PTCHD4: variants seen among roughly 807,000 people sequenced by gnomAD.
PTCHD4 encodes the protein patched domain-containing protein 4.
PTCHD4 carries 33 observed loss-of-function variants against 58.1 expected under a neutral mutation model. The observed-to-expected ratio is 0.57, with a 90% CI of 0.43 to 0.76. The LOEUF is 0.76. PTCHD4 is among the 30% of genes least tolerant of loss of function. PTCHD4 has a pLI of 0.00. For missense variants in PTCHD4, 1,058 were observed against 1,027.1 expected (o/e 1.03, Z -0.41); for synonymous variants, 478 against 409.6 (o/e 1.17, Z -2.02).
intron 1 of PTCHD4, among the ~76,000 whole-genome samples, chr6:48,104,869 T>A (rs1339864656): frequency 1.3e-5 from 2 of 152,114 alleles, no homozygotes; most frequent in Admixed American, 1.3e-4. Context: ...CATTACATAA[T>A]GGTAAAGGGA....
At chr6:48,049,967 T>C (rs1479831079) in intron 3 of PTCHD4, among the ~76,000 whole-genome samples, 3 of 151,998 alleles carry the variant, frequency 2.0e-5, no homozygotes, top group Non-Finnish European at 4.4e-5. Context: ...AATATGTTTC[T>C]GTTTACGTTG....
chr6:47,920,668 A>C (rs551707876), intron 4 of PTCHD4, among the ~76,000 whole-genome samples: 2 of 152,282 alleles, frequency 1.3e-5, no homozygotes, highest in East Asian at 3.9e-4. Context: ...TTTGCTCCAC[A>C]ACACTTATAA....
intron 4 of PTCHD4, among the ~76,000 whole-genome samples, chr6:47,968,265 A>G (rs1341500474): frequency 6.6e-6 from 1 of 152,164 alleles, no homozygotes; most frequent in African/African-American, 2.4e-5. Flanking sequence ...AACACAGACT[A>G]TATTTATTGA....
At chr6:48,082,750 T>C (rs1022422966) in intron 1 of PTCHD4, among the ~76,000 whole-genome samples, 2 of 152,278 alleles carry the variant, frequency 1.3e-5, no homozygotes, top group African/African-American at 4.8e-5. Context: ...TTAAGTCAAT[T>C]AGATTTATAA....
At position 47,934,042 on chromosome 6, in the gene PTCHD4, G is replaced by A. The variant is rs560346206; in HGVS notation, c.899-54106C>T. 2.0e-5 allele frequency among the ~76,000 whole-genome samples: 3 copies of A among 152,206 alleles called. 1 individual carries two copies. In the South Asian group the frequency reaches 6.2e-4, roughly 32 times the overall value. ...TTTAAAATGTTACTATATATATAAT[G>A]TACATGTATATCCATATCACCAAAT... On this transcript the variant is annotated intron_variant, in intron 4 of 4. Transcript: ENST00000339488.
At position 47,871,937 on chromosome 6, in the gene PTCHD4, T is replaced by C. The variant is rs113163270; in HGVS notation, c.*6366A>G. Among the ~76,000 whole-genome samples the C allele has an allele frequency of 1.7e-3, 260 of 151,834 alleles. 2 individuals carry two copies. Among genetic ancestry groups the C allele is most frequent in the African/African-American group, 5.8e-3 (242 of 41,508 alleles). On this transcript the variant is annotated 3_prime_UTR_variant, in exon 5 of 5. Coordinates refer to ENST00000339488, the MANE Select transcript of PTCHD4 (RefSeq NM_001384253.1). ...TTATCAGTTTGTAGCACATTTATGT[T>C]TGTGAAGAAAAGATGCCAGAATTCC...
At position 47,864,165 on chromosome 6, in the gene PTCHD4, G is replaced by T. The variant is rs989407099; in HGVS notation, c.*14138C>A. Among the ~76,000 whole-genome samples the T allele has an allele frequency of 1.3e-5, 2 of 151,910 alleles. No individual in the cohort carries two copies. Among genetic ancestry groups the T allele is most frequent in the African/African-American group, 4.8e-5 (2 of 41,406 alleles). On this transcript the variant is annotated 3_prime_UTR_variant, in exon 5 of 5. Transcript: ENST00000339488. ...AACTTGTTAGAAATGTAAATTTTCA[G>T]GCCTCACTCCAGATCTATTGAATCA...
chr6:48,089,962 C>A (rs1009073974), intron 1 of PTCHD4, among the ~76,000 whole-genome samples: 3 of 152,128 alleles, frequency 2.0e-5, no homozygotes, highest in African/African-American at 4.8e-5. Flanking sequence ...TAGTTGAAGA[C>A]TCAATTTGAT....
chr6:48,025,884 G>A (rs1319205738), intron 3 of PTCHD4, among the ~76,000 whole-genome samples: 1 of 152,100 alleles, frequency 6.6e-6, no homozygotes, highest in Non-Finnish European at 1.5e-5. Context: ...GAATGGAATG[G>A]CACTCAGGGA....
At chr6:47,972,961 T>G (rs1002528044) in intron 4 of PTCHD4, among the ~76,000 whole-genome samples, 1 of 152,152 alleles carries the variant, frequency 6.6e-6, no homozygotes, top group Non-Finnish European at 1.5e-5. Context: ...TTTATCATGC[T>G]TCTATATTAT....
intron 4 of PTCHD4, among the ~76,000 whole-genome samples, chr6:48,001,001 C>T: frequency 6.6e-6 from 1 of 152,172 alleles, no homozygotes; most frequent in Non-Finnish European, 1.5e-5. Flanking sequence ...AACTCCCATT[C>T]ACAATTGCTT....
rs1763834662 is a variant in PTCHD4, at chr6:47,875,884, C to T, written c.*2419G>A. Among the ~76,000 whole-genome samples, 1 of 151,592 alleles carries T rather than the reference C, an allele frequency of 6.6e-6. No homozygotes were observed. On this transcript the variant is annotated 3_prime_UTR_variant, in exon 5 of 5. Transcript: ENST00000339488. Reference sequence around the variant, plus strand: ...ACCAAGAAAAAACCAACCCCAATAGCCAATCTTTTAAAAAATAGGTGAATG... The same window carrying T: ...ACCAAGAAAAAACCAACCCCAATAGTCAATCTTTTAAAAAATAGGTGAATG...
intron 4 of PTCHD4, among the ~76,000 whole-genome samples, chr6:47,931,259 T>C (rs1248312888): frequency 6.6e-6 from 1 of 152,246 alleles, no homozygotes; most frequent in Non-Finnish European, 1.5e-5. Context: ...TCACCAGTCT[T>C]ACTCTAGTCC....
At chr6:47,987,531 A>T (rs1175693377) in intron 4 of PTCHD4, among the ~76,000 whole-genome samples, 1 of 152,202 alleles carries the variant, frequency 6.6e-6, no homozygotes, top group East Asian at 1.9e-4. Context: ...TAGTTAAAAA[A>T]AATGCTAAAT....
At chr6:47,938,383 G>A (rs1176046842) in intron 4 of PTCHD4, among the ~76,000 whole-genome samples, 1 of 152,030 alleles carries the variant, frequency 6.6e-6, no homozygotes, top group East Asian at 1.9e-4. Context: ...AACACCTCTA[G>A]GCATCAACAA....
chr6:48,036,204 T>C (rs1208137848), intron 3 of PTCHD4, among the ~76,000 whole-genome samples: 2 of 152,028 alleles, frequency 1.3e-5, no homozygotes, highest in Non-Finnish European at 2.9e-5. Context: ...GAGAGATACT[T>C]AAGCGAAGAG....
intron 3 of PTCHD4, among the ~76,000 whole-genome samples, chr6:48,027,742 A>T (rs1582043360): frequency 6.6e-6 from 1 of 152,292 alleles, no homozygotes; most frequent in Middle Eastern, 3.4e-3. Flanking sequence ...GAAGTGTATG[A>T]CTATGAGAAA....
chr6:47,957,260 TAATA>T (rs1165873816), intron 4 of PTCHD4, among the ~76,000 whole-genome samples: 1 of 147,976 alleles, frequency 6.8e-6, no homozygotes, highest in African/African-American at 2.5e-5. Flanking sequence ...TATATATATA[TAATA>T]TATATATTAT....
At chr6:47,932,380 C>A (rs912444379) in intron 4 of PTCHD4, among the ~76,000 whole-genome samples, 43 of 152,090 alleles carry the variant, frequency 2.8e-4, no homozygotes, top group African/African-American at 1.0e-3. Flanking sequence ...AAGATGGGGG[C>A]TAGAGGTGGA....
Sources: allele counts gnomAD v4.1 joint callset (sites outside exome capture counted in the v4.1 genomes callset), GRCh38; gene constraint gnomAD v4.1.1; transcripts MANE v1.5; gene names NCBI Gene and HGNC (gene_info 2026-07-23, HGNC 2026-07-21).